Variants in CNTNAP2 observed in about 807,000 individuals in gnomAD.
The protein encoded by CNTNAP2 is contactin associated protein 2, also known as contactin-associated protein-like 2.
A neutral mutation model predicts 155.2 loss-of-function variants in CNTNAP2; 98 were observed. The ratio of observed to expected loss-of-function variants is 0.63; its 90% CI spans 0.54 to 0.75. CNTNAP2 has a LOEUF of 0.75. CNTNAP2 is among the 30% of genes least tolerant of loss of function. The pLI is 0.00. For missense variants in CNTNAP2, 1,727 were observed against 1,688.1 expected, an observed-to-expected ratio of 1.02 and a Z score of -0.40; for synonymous variants, 651 against 631.2, an observed-to-expected ratio of 1.03 and a Z score of -0.47.
intron 13 of CNTNAP2, among the ~76,000 whole-genome samples, chr7:147,735,596 T>C (rs1000113014): frequency 1.3e-5 from 2 of 152,204 alleles, no homozygotes; most frequent in African/African-American, 4.8e-5. Flanking sequence ...TCTGTCTTGT[T>C]GATCTGTCTA....
chr7:146,722,046 C>T (rs1388540262), intron 1 of CNTNAP2, among the ~76,000 whole-genome samples: 1 of 150,364 alleles, frequency 6.7e-6, no homozygotes, highest in African/African-American at 2.5e-5. Context: ...GGCTACCATG[C>T]CTGGCTAGTT....
chr7:147,357,144 T>C (rs1222928895), intron 9 of CNTNAP2, among the ~76,000 whole-genome samples: 2 of 152,156 alleles, frequency 1.3e-5, no homozygotes, highest in Non-Finnish European at 2.9e-5. Flanking sequence ...CAGGTACTAT[T>C]ATTATTCTTT....
In CNTNAP2 at chr7:147,935,669, C is replaced by T. The variant is rs917057619; in HGVS notation, c.2255+31948C>T. Among the ~76,000 whole-genome samples the T allele has an allele frequency of 5.9e-5, 9 of 152,198 alleles. No homozygotes were observed. In the East Asian group the frequency reaches 1.4e-3, roughly 23 times the overall value. On this transcript the variant is annotated intron_variant, in intron 14 of 23. Coordinates refer to ENST00000361727, the MANE Select transcript of CNTNAP2 (RefSeq NM_014141.6). ...TCACTTTTTGAACTATTACAAATATCTAGTAAATTTTTTAATGCTCTGCCC... is the reference window on the plus strand; with the variant it reads ...TCACTTTTTGAACTATTACAAATATTTAGTAAATTTTTTAATGCTCTGCCC...
intron 1 of CNTNAP2, among the ~76,000 whole-genome samples, chr7:146,460,822 G>T (rs1309874770): frequency 6.6e-6 from 1 of 152,150 alleles, no homozygotes; most frequent in East Asian, 1.9e-4. Context: ...CTGGGGTATA[G>T]GGCAGGGAAT....
chr7:146,820,468 G>C (rs966580662), intron 2 of CNTNAP2, among the ~76,000 whole-genome samples: 2 of 152,130 alleles, frequency 1.3e-5, no homozygotes, highest in Non-Finnish European at 2.9e-5. Context: ...CCATGTAGTT[G>C]AGCGGTTTTG....
At chr7:146,606,546 C>T (rs1315497241) in intron 1 of CNTNAP2, among the ~76,000 whole-genome samples, 4 of 152,114 alleles carry the variant, frequency 2.6e-5, no homozygotes, top group African/African-American at 9.7e-5. Flanking sequence ...TTGATTAAGC[C>T]TAGCCATAAG....
At chr7:146,422,359 G>GTGTATATATATATA (rs1554431181) in intron 1 of CNTNAP2, among the ~76,000 whole-genome samples, 6 of 148,118 alleles carry the variant, frequency 4.1e-5, no homozygotes, top group African/African-American at 1.5e-4. Context: ...GTATATATAT[G>GTGTATATATATATA]TATATATATA....
At position 147,268,969 on chromosome 7, in the gene CNTNAP2, A is replaced by G. The variant is rs553238242; in HGVS notation, c.1349-31172A>G. On this transcript the variant is annotated intron_variant, in intron 8 of 23. Transcript: ENST00000361727. ...GAGTCTTTATTTAATGAAAAAACCC[A>G]TAACAAATATTTGGAGCCTTGGATG... is the stretch of plus-strand genomic sequence containing the variant. Among the ~76,000 whole-genome samples, 139 of 152,348 alleles carry G rather than the reference A, an allele frequency of 9.1e-4. 1 individual carries two copies. The highest frequency in any genetic ancestry group is 3.2e-3 in the African/African-American group (132 of 41,580).
chr7:146,357,353 A>G (rs371381417), intron 1 of CNTNAP2, among the ~76,000 whole-genome samples: 1 of 152,266 alleles, frequency 6.6e-6, no homozygotes, highest in East Asian at 1.9e-4. Context: ...CTAACATAAA[A>G]TAATGTCTGA....
intron 1 of CNTNAP2, among the ~76,000 whole-genome samples, chr7:146,530,417 A>G (rs1186098555): frequency 1.3e-5 from 2 of 150,722 alleles, no homozygotes; most frequent in African/African-American, 5.0e-5. Flanking sequence ...ATTCAGGGGA[A>G]AAAAAAAGAG....
chr7:146,357,249 A>AT (rs1795011940), intron 1 of CNTNAP2, among the ~76,000 whole-genome samples: 1 of 151,704 alleles, frequency 6.6e-6, no homozygotes, highest in Admixed American at 6.6e-5. Context: ...AAAAAAAAAA[A>AT]AAGAGGTCGA....
At chr7:148,272,866 A>C (rs1326848803) in intron 21 of CNTNAP2, among the ~76,000 whole-genome samples, 1 of 152,218 alleles carries the variant, frequency 6.6e-6, no homozygotes, top group Non-Finnish European at 1.5e-5. Flanking sequence ...CCCGTAAAGG[A>C]AATGTCAGAA....
rs1011221392 is a variant in CNTNAP2, at chr7:146,696,226, T to G, written c.98-78045T>G. 4.6e-5 allele frequency among the ~76,000 whole-genome samples: 7 copies of G among 152,292 alleles called. No individual in the cohort carries two copies. In the East Asian group the frequency reaches 1.4e-3, roughly 29 times the overall value. ...ATTAAATTTATTAAACCTATTCAGGTTATTTATTTCTCCCTGTGTGCAATT... is the reference window on the plus strand; with the variant it reads ...ATTAAATTTATTAAACCTATTCAGGGTATTTATTTCTCCCTGTGTGCAATT... On this transcript the variant is annotated intron_variant, in intron 1 of 23. Transcript: ENST00000361727.
At chr7:147,684,110 C>A (rs2116983336) in intron 13 of CNTNAP2, among the ~76,000 whole-genome samples, 1 of 151,892 alleles carries the variant, frequency 6.6e-6, no homozygotes, top group East Asian at 1.9e-4. Flanking sequence ...CCTATTTCAA[C>A]TACCGTGACT....
intron 13 of CNTNAP2, among the ~76,000 whole-genome samples, chr7:147,654,292 G>C (rs1041639965): frequency 1.3e-5 from 2 of 151,974 alleles, no homozygotes; most frequent in Admixed American, 1.3e-4. Flanking sequence ...TTTTGGCATC[G>C]GAATGTTCTA....
chr7:147,132,106 T>C, intron 7 of CNTNAP2, 139 bp from the exon 8 acceptor site: 3 of 1,079,460 alleles, frequency 2.8e-6, no homozygotes, highest in Non-Finnish European at 4.2e-6. Context: ...ACTGAATCCA[T>C]GCTCTGCTGC....
At chr7:147,871,661 C>T (rs1427741166) in intron 13 of CNTNAP2, among the ~76,000 whole-genome samples, 1 of 142,520 alleles carries the variant, frequency 7.0e-6, no homozygotes, top group Non-Finnish European at 1.5e-5. Context: ...ATTCCTTTCT[C>T]TTTTTTTTTT....
In CNTNAP2 at chr7:147,521,006, C is replaced by T. The variant is rs147737142; in HGVS notation, c.1777+34965C>T. Among the ~76,000 whole-genome samples the T allele has an allele frequency of 4.8e-4, 73 of 152,314 alleles. 2 individuals are homozygous for T. In the East Asian group the frequency reaches 0.013, roughly 27 times the overall value. On this transcript the variant is annotated intron_variant, in intron 11 of 23. Coordinates refer to ENST00000361727, the MANE Select transcript of CNTNAP2 (RefSeq NM_014141.6). ...AAGTAGTGACAGTAAAATTAACATT[C>T]CTTGACCACATGAATGTGAGCAACG...
intron 1 of CNTNAP2, among the ~76,000 whole-genome samples, chr7:146,694,298 A>G (rs1800746825): frequency 6.6e-6 from 1 of 152,216 alleles, no homozygotes; most frequent in Non-Finnish European, 1.5e-5. Context: ...TGTAAGTTCC[A>G]TTTATAGATT....
Sources: gnomAD v4.1 joint callset for allele counts (sites outside exome capture counted in the v4.1 genomes callset) on GRCh38, gnomAD v4.1.1 for gene constraint, MANE v1.5 for transcripts, NCBI Gene and HGNC (gene_info 2026-07-23, HGNC 2026-07-21) for gene names.